Variants in ZNF609 observed in about 807,000 individuals in gnomAD.
The protein encoded by ZNF609 is zinc finger protein 609.
In ZNF609, 11 loss-of-function variants were observed where a neutral mutation model predicts 109.5. That is an observed-to-expected ratio of 0.10 (90% CI 0.06 to 0.17). The LOEUF (loss-of-function observed/expected upper bound fraction) is 0.17. Among genes scored for constraint, ZNF609 ranks in the 10% least tolerant of loss-of-function variants. ZNF609 has a pLI of 1.00. For missense variants in ZNF609, 1,559 were observed against 1,772.4 expected, an observed-to-expected ratio of 0.88 and a Z score of 2.16; for synonymous variants, 646 against 662.0, an observed-to-expected ratio of 0.98 and a Z score of 0.37.
At chr15:64,673,159 G>C (rs535849311) in intron 4 of ZNF609, among the ~76,000 whole-genome samples, 2 of 152,294 alleles carry the variant, frequency 1.3e-5, no homozygotes, top group South Asian at 2.1e-4. Flanking sequence ...CAGTAGAACT[G>C]TTCTGGGAAC....
chr15:64,542,081 T>A (rs1471986245), intron 2 of ZNF609, among the ~76,000 whole-genome samples: 1 of 151,968 alleles, frequency 6.6e-6, no homozygotes, highest in Non-Finnish European at 1.5e-5. Flanking sequence ...GCCAGGAGTT[T>A]GAGACCAGTC....
rs1312002549 is a variant in ZNF609 at position 64,623,720 on chromosome 15, GT to G, written c.973+672del. On this transcript the variant is annotated intron_variant, in intron 3 of 9. Transcript: ENST00000326648. ...TGCCCCTGAGAACGGAATCTATTCT[GT>G]TTTGAAAATTTATGAACCTGAAAAA... 2.0e-5 allele frequency among the ~76,000 whole-genome samples: 3 copies of G among 152,270 alleles called. No individual in the cohort carries two copies. In the South Asian group the frequency reaches 6.2e-4, roughly 32 times the overall value.
Position 64,675,244 on chromosome 15 carries a change from G to C in ZNF609, c.2390G>C (p.Ser797Thr). Residue 797 changes from serine to threonine, a missense_variant, in exon 5 of 10, where the codon AGT becomes ACT. By Grantham distance (58) the Ser-to-Thr change is moderately conservative. This residue lies in a region of ZNF609 where 1,204 missense variants were observed against 1,314.1 expected (regional missense o/e 0.92). Transcript: ENST00000326648. ...AAGGCTGAAGCCGACAAGATCTACA[G>C]TTTCACGGACAATGCCCCCAGCCCT... Reference protein sequence around the residue: ...SIKAEADKIYSFTDNAPSPSI... With the variant: ...SIKAEADKIYTFTDNAPSPSI... 1 of 1,614,066 alleles carries C rather than the reference G, an allele frequency of 6.2e-7. No homozygotes were observed. Among genetic ancestry groups the C allele is most frequent in the Non-Finnish European group, 8.5e-7 (1 of 1,180,038 alleles).
intron 3 of ZNF609, among the ~76,000 whole-genome samples, chr15:64,655,541 T>C (rs1896477652): frequency 6.6e-6 from 1 of 151,100 alleles, no homozygotes; most frequent in South Asian, 2.1e-4. Flanking sequence ...TAAGAACATA[T>C]ACAGGCTGGG....
intron 1 of ZNF609, among the ~76,000 whole-genome samples, chr15:64,477,820 G>T (rs963427515): frequency 2.0e-5 from 3 of 151,930 alleles, no homozygotes; most frequent in Non-Finnish European, 2.9e-5. Context: ...GTAGAAACGG[G>T]GTTTTACCAT....
chr15:64,637,441 A>G (rs1015095009), intron 3 of ZNF609, among the ~76,000 whole-genome samples: 1 of 152,220 alleles, frequency 6.6e-6, no homozygotes, highest in African/African-American at 2.4e-5. Context: ...TATGTGTATG[A>G]TCAACTTGAA....
intron 1 of ZNF609, among the ~76,000 whole-genome samples, chr15:64,466,912 CCTT>C (rs1279373477): frequency 1.3e-5 from 2 of 152,100 alleles, no homozygotes; most frequent in Non-Finnish European, 2.9e-5. Context: ...TCCTCCACCT[CCTT>C]CTCTCTCACC....
intron 7 of ZNF609, 43 bp from the exon 8 acceptor site, chr15:64,680,601 ATG>A: frequency 6.8e-7 from 1 of 1,469,830 alleles, no homozygotes; most frequent in South Asian, 1.3e-5. Context: ...TTGTATGCAT[ATG>A]TGTCTCACTA....
intron 1 of ZNF609, among the ~76,000 whole-genome samples, chr15:64,468,079 C>T (rs930878336): frequency 6.6e-6 from 1 of 150,982 alleles, no homozygotes; most frequent in African/African-American, 2.4e-5. Flanking sequence ...GACACAATCA[C>T]GATCACAGCT....
At chr15:64,581,511 A>G (rs1040196616) in intron 2 of ZNF609, among the ~76,000 whole-genome samples, 3 of 152,184 alleles carry the variant, frequency 2.0e-5, no homozygotes, top group South Asian at 2.1e-4. Flanking sequence ...AAGGCTTTTT[A>G]TGCTGGGTAA....
chr15:64,485,496 C>A (rs573074783), intron 1 of ZNF609, among the ~76,000 whole-genome samples: 1 of 152,118 alleles, frequency 6.6e-6, no homozygotes, highest in Admixed American at 6.6e-5. Flanking sequence ...TAGAGTCTTA[C>A]GCAGTTGTAA....
chr15:64,496,927 C>A (rs1399176359), intron 1 of ZNF609, among the ~76,000 whole-genome samples: 3 of 152,172 alleles, frequency 2.0e-5, no homozygotes, highest in African/African-American at 7.2e-5. Context: ...CATCCTCCCA[C>A]CTTTCAGCTC....
chr15:64,601,072 G>A (rs888776194), intron 2 of ZNF609, among the ~76,000 whole-genome samples: 8 of 152,052 alleles, frequency 5.3e-5, no homozygotes, highest in Non-Finnish European at 1.5e-5. Flanking sequence ...TACCCAACAG[G>A]TTGCCAAGTC....
intron 2 of ZNF609, among the ~76,000 whole-genome samples, chr15:64,546,563 C>T (rs911693730): frequency 1.3e-5 from 2 of 151,938 alleles, no homozygotes; most frequent in South Asian, 4.2e-4. Flanking sequence ...GCCCCAACCT[C>T]CCAGGCTCAA....
At chr15:64,488,152 A>C (rs963236030) in intron 1 of ZNF609, among the ~76,000 whole-genome samples, 3 of 152,080 alleles carry the variant, frequency 2.0e-5, no homozygotes, top group African/African-American at 7.2e-5. Flanking sequence ...TGTTTTCTAA[A>C]CTTTCCCTTA....
At position 64,481,547 on chromosome 15, in the gene ZNF609, C is replaced by T. The variant is rs1033233334; in HGVS notation, c.-127-17746C>T. 7.3e-5 allele frequency among the ~76,000 whole-genome samples: 11 copies of T among 150,774 alleles called. No individual in the cohort carries two copies. The South Asian group carries it at 1.3e-3, about 17-fold the overall frequency. On this transcript the variant is annotated intron_variant, in intron 1 of 9. Coordinates refer to ENST00000326648, the MANE Select transcript of ZNF609 (RefSeq NM_015042.2). Reference sequence around the variant, plus strand: ...GTTGGTCAGGCTGGTCTCGAACTCCCGACCTCAGGTGATCCGCCTGCCTCG... The same window carrying T: ...GTTGGTCAGGCTGGTCTCGAACTCCTGACCTCAGGTGATCCGCCTGCCTCG...
At chr15:64,628,844 C>T (rs925538324) in intron 3 of ZNF609, among the ~76,000 whole-genome samples, 7 of 152,028 alleles carry the variant, frequency 4.6e-5, no homozygotes, top group Admixed American at 1.3e-4. Flanking sequence ...AGGCTGGTCT[C>T]GAACTCCTGA....
chr15:64,482,187 A>G (rs1893263923), intron 1 of ZNF609, among the ~76,000 whole-genome samples: 1 of 152,236 alleles, frequency 6.6e-6, no homozygotes, highest in South Asian at 2.1e-4. Flanking sequence ...TGAAAACATT[A>G]GAGAATTTCC....
intron 1 of ZNF609, among the ~76,000 whole-genome samples, chr15:64,483,492 T>C (rs899861537): frequency 6.6e-6 from 1 of 152,122 alleles, no homozygotes; most frequent in African/African-American, 2.4e-5. Flanking sequence ...GCTCCAGTTA[T>C]CATCCTGTCT....
Sources: gnomAD v4.1 joint callset for allele counts (sites outside exome capture counted in the v4.1 genomes callset) on GRCh38, gnomAD v4.1.1 for gene constraint, gnomAD v4.1.1 regional missense constraint, MANE v1.5 for transcripts, NCBI Gene and HGNC (gene_info 2026-07-23, HGNC 2026-07-21) for gene names.